Variants in C12orf42 observed in about 807,000 individuals in gnomAD.
C12orf42 encodes chromosome 12 open reading frame 42, also known as uncharacterized protein C12orf42.
Under a neutral mutation model 21.6 loss-of-function variants are expected in C12orf42, and 25 were observed. The ratio of observed to expected loss-of-function variants is 1.16; its 90% confidence interval spans 0.84 to 1.62. The LOEUF (loss-of-function observed/expected upper bound fraction) is 1.62, where lower values mean the gene tolerates loss of function less well. C12orf42 is among the 40% of genes most tolerant of loss of function. The probability of loss-of-function intolerance (pLI) is 0.00; values close to 1 mark genes in which losing one functional copy is unlikely to be tolerated. For missense variants in C12orf42, 483 were observed against 459.3 expected (o/e 1.05, Z -0.47); for synonymous variants, 174 against 175.0 (o/e 0.99, Z 0.05).
At chr12:103,408,379 A>C (rs1304464870) in intron 2 of C12orf42, among the ~76,000 whole-genome samples, 1 of 152,204 alleles carries the variant, frequency 6.6e-6, no homozygotes, top group Non-Finnish European at 1.5e-5. Flanking sequence ...TTAGAAACAG[A>C]GGAAGAGGGT....
At chr12:103,520,536 C>CAAT in the C12orf42 span, among the ~76,000 whole-genome samples, 21 of 151,876 alleles carry the variant, frequency 1.4e-4, no homozygotes, top group South Asian at 3.3e-3. Flanking sequence ...ACAACAACAA[C>CAAT]AACAACAACA....
chr12:103,359,080 T>C (rs999811315), intron 4 of C12orf42, among the ~76,000 whole-genome samples: 2 of 152,102 alleles, frequency 1.3e-5, no homozygotes, highest in Non-Finnish European at 2.9e-5. Flanking sequence ...AATACACATA[T>C]CTTGTCTCTC....
At chr12:103,182,808 A>G in the C12orf42 span, among the ~76,000 whole-genome samples, 1 of 152,260 alleles carries the variant, frequency 6.6e-6, no homozygotes, top group Admixed American at 6.5e-5. Context: ...CAATAGCAAC[A>G]TTTTGTAAAA....
intron 10 of C12orf42, among the ~76,000 whole-genome samples, chr12:103,258,466 C>T (rs1368668442): frequency 6.6e-6 from 1 of 151,752 alleles, no homozygotes; most frequent in Admixed American, 6.6e-5. Flanking sequence ...GTGGTCCAAG[C>T]CAACACAATA....
chr12:103,270,654 T>A (rs2035417531), intron 5 of C12orf42, among the ~76,000 whole-genome samples: 1 of 151,340 alleles, frequency 6.6e-6, no homozygotes, highest in South Asian at 2.1e-4. Context: ...TGTATACATG[T>A]GCCATGCTGG....
chr12:103,218,294 A>AT, the C12orf42 span, among the ~76,000 whole-genome samples: 1 of 151,922 alleles, frequency 6.6e-6, no homozygotes, highest in African/African-American at 2.4e-5. Context: ...AAAAAAAAAA[A>AT]AGTCTTTCTT....
At chr12:103,348,691 T>A (rs559076974) in intron 4 of C12orf42, among the ~76,000 whole-genome samples, 97 of 152,268 alleles carry the variant, frequency 6.4e-4, no homozygotes, top group African/African-American at 2.2e-3. Context: ...CTTAATGGTA[T>A]ACAGAAGACA....
chr12:103,084,830 T>TTA, the C12orf42 span, among the ~76,000 whole-genome samples: 2 of 152,122 alleles, frequency 1.3e-5, no homozygotes, highest in Admixed American at 6.5e-5. Flanking sequence ...GTTTTATATT[T>TTA]TATATATATA....
intron 4 of C12orf42, among the ~76,000 whole-genome samples, chr12:103,296,212 C>T (rs1418364357): frequency 6.6e-6 from 1 of 151,950 alleles, no homozygotes; most frequent in Non-Finnish European, 1.5e-5. Context: ...TTTATGGCTG[C>T]ATAGTATTCC....
chr12:103,196,259 G>C, the C12orf42 span, among the ~76,000 whole-genome samples: 1 of 152,042 alleles, frequency 6.6e-6, no homozygotes, highest in African/African-American at 2.4e-5. Flanking sequence ...TCTTCTTGCT[G>C]TTGATTTCTA....
chr12:103,079,662 T>C, the C12orf42 span, among the ~76,000 whole-genome samples: 1 of 152,220 alleles, frequency 6.6e-6, no homozygotes, highest in African/African-American at 2.4e-5. Context: ...ATCACATTTA[T>C]TTCTTGCTCA....
At chr12:103,309,787 T>C (rs2038780283) in intron 4 of C12orf42, among the ~76,000 whole-genome samples, 1 of 152,194 alleles carries the variant, frequency 6.6e-6, no homozygotes, top group African/African-American at 2.4e-5. Flanking sequence ...TTTCCTGAAT[T>C]CAAGGCACAG....
At chr12:103,464,529 G>A (rs996162799) in intron 2 of C12orf42, among the ~76,000 whole-genome samples, 4 of 151,788 alleles carry the variant, frequency 2.6e-5, no homozygotes, top group African/African-American at 9.7e-5. Flanking sequence ...TGTTCACTCT[G>A]ATGATAGTTT....
chr12:103,470,675 T>A (rs930325326), intron 2 of C12orf42, among the ~76,000 whole-genome samples: 1 of 152,180 alleles, frequency 6.6e-6, no homozygotes, highest in Non-Finnish European at 1.5e-5. Context: ...AGGCAATGCA[T>A]CTTCCTCCTT....
At chr12:103,205,762 A>C in the C12orf42 span, among the ~76,000 whole-genome samples, 2 of 152,212 alleles carry the variant, frequency 1.3e-5, no homozygotes, top group Non-Finnish European at 2.9e-5. Context: ...GGGTATAATC[A>C]TAAAATAGAA....
chr12:103,382,322 GCATTGTAGAAC>G (rs1337590960), intron 3 of C12orf42, among the ~76,000 whole-genome samples: 1 of 152,190 alleles, frequency 6.6e-6, no homozygotes, highest in Admixed American at 6.5e-5. Flanking sequence ...GTCCACGTCA[GCATTGTAGAAC>G]CATGTTAGAT....
chr12:103,386,744 G>A (rs2046641874), intron 3 of C12orf42, among the ~76,000 whole-genome samples: 1 of 152,216 alleles, frequency 6.6e-6, no homozygotes, highest in Admixed American at 6.5e-5. Flanking sequence ...GGTGCAGCTA[G>A]CTTTGAAGTG....
the C12orf42 span, among the ~76,000 whole-genome samples, chr12:103,110,633 A>T: frequency 6.6e-6 from 1 of 152,336 alleles, no homozygotes; most frequent in South Asian, 2.1e-4. Flanking sequence ...GTTTAAAAAC[A>T]ACTACACAAA....
At chr12:103,505,733 T>C in the C12orf42 span, 1 of 208,644 alleles carries the variant, frequency 4.8e-6, no homozygotes, top group Non-Finnish European at 9.5e-6. Flanking sequence ...GTGCAGGGGA[T>C]TTTGTTCTTT....
Sources: allele counts gnomAD v4.1 joint callset (sites outside exome capture counted in the v4.1 genomes callset), GRCh38; gene constraint gnomAD v4.1.1; transcripts MANE v1.5; gene names NCBI Gene and HGNC (gene_info 2026-07-23, HGNC 2026-07-21).